CALHM4: variants seen among roughly 807,000 people sequenced by gnomAD.
CALHM4 encodes calcium homeostasis modulator family member 4, also known as calcium homeostasis modulator protein 4.
Under a neutral mutation model 13.3 loss-of-function variants are expected in CALHM4, and 16 were observed. The observed-to-expected ratio is 1.20, with a 90% CI of 0.81 to 1.82. The LOEUF (loss-of-function observed/expected upper bound fraction) is 1.82. Among genes scored for constraint, CALHM4 ranks in the 40% most tolerant of loss-of-function variants. The pLI, the probability that CALHM4 is intolerant of heterozygous loss-of-function variation, is 0.00. For missense variants in CALHM4, 344 were observed against 374.9 expected, an observed-to-expected ratio of 0.92 and a Z score of 0.68; for synonymous variants, 127 against 137.1, an observed-to-expected ratio of 0.93 and a Z score of 0.52.
chr6:116,532,362 T>G (rs770362759), intron 1 of CALHM4, among the ~76,000 whole-genome samples: 5 of 152,182 alleles, frequency 3.3e-5, no homozygotes, highest in Admixed American at 6.5e-5. Flanking sequence ...CTTGCCTCCC[T>G]GAGAGAGGGA....
intron 1 of CALHM4, among the ~76,000 whole-genome samples, chr6:116,534,046 A>ACT (rs1394772242): frequency 2.0e-5 from 3 of 151,986 alleles, no homozygotes; most frequent in African/African-American, 7.2e-5. Flanking sequence ...AAGAAGTGGA[A>ACT]CTCTGTCTAA....
At chr6:116,555,948 C>G (rs1029643455) in intron 1 of CALHM4, among the ~76,000 whole-genome samples, 3 of 152,184 alleles carry the variant, frequency 2.0e-5, no homozygotes, top group African/African-American at 7.2e-5. Context: ...TAAAGCCCTT[C>G]AGTGATTTTC....
chr6:116,543,634 G>A lies in CALHM4; in HGVS notation c.-108-131G>A, dbSNP rs368881821. ...TTAAATAAAATGAATTTCGTAACATGATAACATCTTTCTATGCATTTGCTT... is the reference window on the plus strand; with the variant it reads ...TTAAATAAAATGAATTTCGTAACATAATAACATCTTTCTATGCATTTGCTT... On this transcript the variant is annotated intron_variant, in intron 1 of 2. Transcript: ENST00000368597. 211 of 663,742 alleles carry A rather than the reference G, an allele frequency of 3.2e-4. No homozygotes were observed. The African/African-American group carries it at 3.6e-3, about 11-fold the overall frequency. The allele number at this position is 663,742 out of a possible 1,614,324, so 41.1% of individuals were successfully genotyped here. A position where few individuals can be genotyped will look rare whatever the true frequency, so the allele number is the denominator to read the frequency against.
intron 1 of CALHM4, among the ~76,000 whole-genome samples, chr6:116,533,562 A>G (rs1355253355): frequency 7.2e-5 from 11 of 152,192 alleles, no homozygotes. Flanking sequence ...AAAATTTAAA[A>G]CGGCAATAGA....
rs180715630 is a variant in CALHM4 at position 116,559,712 on chromosome 6, G to A, written c.*1501G>A. ...AAGGGATGATAATATTTTACCTCTT[G>A]GAAGAAAATAACTGAACTAAATAAC... On this transcript the variant is annotated 3_prime_UTR_variant, in exon 2 of 2. Coordinates refer to ENST00000368596, the MANE Select transcript of CALHM4 (RefSeq NM_001366078.2). 3.9e-5 allele frequency among the ~76,000 whole-genome samples: 6 copies of A among 152,002 alleles called. No individual in the cohort carries two copies. In the East Asian group the frequency reaches 1.2e-3, roughly 29 times the overall value.
chr6:116,543,415 G>A (rs781715087), intron 1 of CALHM4: 1 of 1,536,456 alleles, frequency 6.5e-7, no homozygotes, highest in Non-Finnish European at 8.8e-7. Context: ...AGAAAAAGGG[G>A]TAGTTTCTGG....
intron 1 of CALHM4, among the ~76,000 whole-genome samples, chr6:116,530,708 C>T (rs986924651): frequency 5.9e-5 from 9 of 151,836 alleles, no homozygotes; most frequent in African/African-American, 2.2e-4. Flanking sequence ...GAAGTGTTTG[C>T]TTTCTTTATT....
In CALHM4 at chr6:116,553,882, G is replaced by A. The variant is rs533471328; in HGVS notation, c.89G>A (p.Gly30Glu). ...TTAATTGCAGCCTTGACTATTGGTG[G>A]GCAACAACTCTTCTCCTCTTCTACA... ...NSLIAALTIG[G>E]QQLFSSSTFS... The change falls in exon 1 of 2, where the codon GGG (glycine) becomes GAG (glutamate). Residue 30 changes from glycine to glutamate, a missense_variant. By Grantham distance (98) the Gly-to-Glu change is moderately conservative. Transcript: ENST00000368596. 2.6e-6 allele frequency: 4 copies of A among 1,550,586 alleles called. No individual in the cohort carries two copies. Among genetic ancestry groups the A allele is most frequent in the Admixed American group, 3.9e-5 (2 of 50,986 alleles).
Position 116,559,723 on chromosome 6 carries a change from A to G in CALHM4, c.*1512A>G, listed in dbSNP as rs1774501880. Among the ~76,000 whole-genome samples the G allele has an allele frequency of 6.6e-6, 1 of 152,184 alleles. No homozygotes were observed. The highest frequency in any genetic ancestry group is 1.5e-5 in the Non-Finnish European group (1 of 68,018). On this transcript the variant is annotated 3_prime_UTR_variant, in exon 2 of 2. Transcript: ENST00000368596. ...ATATTTTACCTCTTGGAAGAAAATA[A>G]CTGAACTAAATAACTGCTTAAGGTC...
intron 1 of CALHM4, among the ~76,000 whole-genome samples, chr6:116,533,451 T>G (rs1414042053): frequency 2.0e-5 from 3 of 152,242 alleles, no homozygotes; most frequent in Non-Finnish European, 4.4e-5. Context: ...TGGCTTCATT[T>G]GCCACCTCTT....
upstream of CALHM4, among the ~76,000 whole-genome samples, chr6:116,549,983 TATATATA>T (rs1562360876): frequency 1.6e-3 from 63 of 39,516 alleles, no homozygotes; most frequent in African/African-American, 4.7e-3. Context: ...TCTTAAATTA[TATATATA>T]TATATATATA....
At chr6:116,545,412 A>G in intron 2 of CALHM4, 1 of 1,428,060 alleles carries the variant, frequency 7.0e-7, no homozygotes, top group Non-Finnish European at 9.5e-7. Flanking sequence ...AATCAATCAG[A>G]AATCACTCAA....
chr6:116,556,902 C>T (rs542136128), intron 1 of CALHM4, among the ~76,000 whole-genome samples: 3 of 149,996 alleles, frequency 2.0e-5, no homozygotes, highest in Admixed American at 2.0e-4. Context: ...TATGTTACTA[C>T]ATGGCACAGT....
chr6:116,537,070 G>T (rs6930134), intron 1 of CALHM4, among the ~76,000 whole-genome samples: 61,405 of 151,886 alleles, frequency 0.4, 14,076 homozygotes, highest in Middle Eastern at 0.6. Context: ...TTTTGTTGGA[G>T]AAGTAAAAAT....
At position 116,559,342 on chromosome 6, in the gene CALHM4, G is replaced by T. The variant is rs935280725; in HGVS notation, c.*1131G>T. On this transcript the variant is annotated 3_prime_UTR_variant, in exon 2 of 2. Coordinates refer to ENST00000368596, the MANE Select transcript of CALHM4 (RefSeq NM_001366078.2). ...CTGGACAGTGGACCAACTGCCAATAGTCAATCCAATTTTCAAGATTCACTT... is the reference window on the plus strand; with the variant it reads ...CTGGACAGTGGACCAACTGCCAATATTCAATCCAATTTTCAAGATTCACTT... Among the ~76,000 whole-genome samples the T allele has an allele frequency of 4.6e-5, 7 of 152,240 alleles. No individual in the cohort carries two copies. Among genetic ancestry groups the T allele is most frequent in the African/African-American group, 1.7e-4 (7 of 41,548 alleles).
At chr6:116,556,853 A>G (rs1045937787) in intron 1 of CALHM4, among the ~76,000 whole-genome samples, 3 of 152,088 alleles carry the variant, frequency 2.0e-5, no homozygotes, top group Non-Finnish European at 2.9e-5. Context: ...TGGTCAGCAA[A>G]TGATTATTTG....
In CALHM4 at chr6:116,560,655, G is replaced by A. The variant is rs931990519; in HGVS notation, c.*2444G>A. ...AAATGGAATTTTTAGTATTTTGGGG[G>A]GGGGGGGGGCTATGGTCTATAGCAT... is the stretch of plus-strand genomic sequence containing the variant. On this transcript the variant is annotated 3_prime_UTR_variant, in exon 2 of 2. Coordinates refer to ENST00000368596, the MANE Select transcript of CALHM4 (RefSeq NM_001366078.2). Among the ~76,000 whole-genome samples the A allele has an allele frequency of 1.2e-3, 172 of 141,998 alleles. 1 individual carries two copies. Among genetic ancestry groups the A allele is most frequent in the African/African-American group, 4.3e-3 (167 of 39,238 alleles). The allele number at this position is 141,998 out of a possible 152,430, so 93.2% of individuals were successfully genotyped here.
At position 116,558,175 on chromosome 6, in the gene CALHM4, G is replaced by A. The variant is rs201931494; in HGVS notation, c.909G>A (p.Glu303=). Residue 303 remains glutamate (E), a synonymous_variant, in exon 2 of 2, where the codon GAG becomes GAA. Transcript: ENST00000368596. ...FLGNRVDEDN[E]EDRSRGIELK... The stretch of plus-strand genomic sequence containing the variant: ...GAAATAGGGTGGATGAGGATAATGA[G>A]GAAGACAGATCAAGAGGTATTGAAT... 8 of 1,613,782 alleles carry A rather than the reference G, an allele frequency of 5.0e-6. No homozygotes were observed. The highest frequency in any genetic ancestry group is 1.7e-5 in the Admixed American group (1 of 60,032).
At position 116,538,734 on chromosome 6, in the gene CALHM4, C is replaced by CTTTCTT. The variant is rs1554237177; in HGVS notation, c.-108-5028_-108-5027insCTTTTT. On this transcript the variant is annotated intron_variant, in intron 1 of 2. Transcript: ENST00000368597. The stretch of plus-strand genomic sequence containing the variant: ...AAGACAAAGTCTTAAATCTTTCTTT[C>CTTTCTT]TTTTTTTTTTTTTTTGAAACAGGGT... Among the ~76,000 whole-genome samples, 9 of 141,160 alleles carry CTTTCTT rather than the reference C, an allele frequency of 6.4e-5. No homozygotes were observed. The South Asian group carries it at 2.0e-3, about 32-fold the overall frequency. 92.6% of individuals were successfully genotyped at this position (141,160 alleles called of 152,430 possible).
Sources: allele counts gnomAD v4.1 joint callset (sites outside exome capture counted in the v4.1 genomes callset), GRCh38; gene constraint gnomAD v4.1.1; transcripts MANE v1.5; gene names NCBI Gene and HGNC (gene_info 2026-07-23, HGNC 2026-07-21).